ZFHX3: variants seen among roughly 807,000 people sequenced by gnomAD.
The protein encoded by ZFHX3 is zinc finger homeobox 3.
In ZFHX3, 42 loss-of-function variants were observed where a neutral mutation model predicts 279.1. The observed-to-expected ratio is 0.15, with a 90% confidence interval of 0.12 to 0.19. The LOEUF (loss-of-function observed/expected upper bound fraction) is 0.19, where lower values mean the gene tolerates loss of function less well. ZFHX3 is among the 10% of genes least tolerant of loss of function. The pLI is 1.00. For synonymous variants in ZFHX3, 2,293 were observed against 1,957.8 expected, an observed-to-expected ratio of 1.17 and a Z score of -4.52; for missense variants, 4,981 against 4,754.0, an observed-to-expected ratio of 1.05 and a Z score of -1.40.
chr16:73,158,024 G>C (rs927094544), intron 5 of ZFHX3, among the ~76,000 whole-genome samples: 3 of 152,074 alleles, frequency 2.0e-5, no homozygotes, highest in Non-Finnish European at 2.9e-5. Context: ...AAAAAAATGA[G>C]ACAGGAAAGG....
intron 5 of ZFHX3, among the ~76,000 whole-genome samples, chr16:73,173,309 G>T: frequency 6.6e-6 from 1 of 152,096 alleles, no homozygotes; most frequent in East Asian, 1.9e-4. Flanking sequence ...GAGATCTTCC[G>T]TGGGCGACGG....
chr16:73,202,463 T>A (rs190531114), intron 5 of ZFHX3, among the ~76,000 whole-genome samples: 123 of 152,336 alleles, frequency 8.1e-4, no homozygotes, highest in Middle Eastern at 6.8e-3. Context: ...AGCCCAGCCA[T>A]ATGGCCAGTT....
At chr16:73,872,750 G>GT (rs2142402200) in intron 1 of ZFHX3, among the ~76,000 whole-genome samples, 1 of 94,372 alleles carries the variant, frequency 1.1e-5, no homozygotes, top group Non-Finnish European at 2.0e-5. Context: ...GTGGTGGCGG[G>GT]GGTTGGTGGT....
At chr16:73,069,827 G>A (rs1965800876) in intron 8 of ZFHX3, among the ~76,000 whole-genome samples, 1 of 152,152 alleles carries the variant, frequency 6.6e-6, no homozygotes, top group Non-Finnish European at 1.5e-5. Flanking sequence ...GGTCATAATG[G>A]TATATCCTGT....
In ZFHX3 at chr16:72,829,791, G is replaced by T; in HGVS notation, c.3517C>A (p.Gln1173Lys). The T allele has an allele frequency of 6.2e-7, 1 of 1,614,148 alleles. No homozygotes were observed. Among genetic ancestry groups the T allele is most frequent in the Non-Finnish European group, 8.5e-7 (1 of 1,180,032 alleles). ...TGGTCTTTCTCACCTCCGCCCTCTT[G>T]GTCCTTAGCAAGCTCCTCTGGATCA... is the stretch of plus-strand genomic sequence containing the variant. ...AADPEELAKD[Q>K]EGGASSSQAE... Residue 1173 changes from glutamine (Q) to lysine (K), a missense_variant, in exon 5 of 10, where the codon CAA (glutamine) becomes AAA (lysine). Physicochemically the swap from Gln to Lys is moderately conservative, Grantham distance 53. Around this residue, in one of 7 missense-constraint regions of ZFHX3, gnomAD observed 1,751 missense variants for 1,770.0 expected, o/e 0.99. Coordinates refer to ENST00000268489, the MANE Select transcript of ZFHX3 (RefSeq NM_006885.4).
Position 72,959,829 on chromosome 16 carries a change from G to A in ZFHX3, c.317C>T (p.Pro106Leu). The A allele has an allele frequency of 1.3e-6, 2 of 1,594,412 alleles. No homozygotes were observed. Among genetic ancestry groups the A allele is most frequent in the African/African-American group, 1.3e-5 (1 of 74,732 alleles). The stretch of plus-strand genomic sequence containing the variant: ...GCTGGCGCTCTCCTCTCTCAGGGGT[G>A]GCGGGGGGCGCGCGCTGGGGCAGTG... The part of the protein sequence containing the change: ...EHHCPSARPP[P>L]PLREESASDT... Residue 106 changes from proline to leucine, a missense_variant, in exon 2 of 10, where the codon CCA becomes CTA. This residue lies in a region of ZFHX3 where 1,068 missense variants were observed against 935.2 expected (regional missense o/e 1.14). Coordinates refer to ENST00000268489, the MANE Select transcript of ZFHX3 (RefSeq NM_006885.4).
chr16:72,828,878 A>T (rs1434910918), intron 5 of ZFHX3, among the ~76,000 whole-genome samples: 1 of 151,340 alleles, frequency 6.6e-6, no homozygotes, highest in South Asian at 2.1e-4. Context: ...TTTTGTAGAG[A>T]CAGTGTCTCA....
chr16:73,682,915 AGAG>A (rs879362452), intron 1 of ZFHX3, among the ~76,000 whole-genome samples: 2,255 of 25,758 alleles, frequency 0.088, 50 homozygotes, highest in African/African-American at 0.099. Context: ...AGAGAAAGAA[AGAG>A]AGAAAGAGAA....
At chr16:73,295,009 C>G (rs184264955) in intron 4 of ZFHX3, among the ~76,000 whole-genome samples, 1 of 151,902 alleles carries the variant, frequency 6.6e-6, no homozygotes, top group East Asian at 1.9e-4. Context: ...GTCAGGAGAT[C>G]GAGACCATCC....
chr16:72,959,415 T>C lies in ZFHX3; in HGVS notation c.731A>G (p.Tyr244Cys), dbSNP rs1209639810. Reference sequence around the variant, plus strand: ...TTTGGCAGAACCGTCGCTGTTCAGGTAATCCTTGTTGCTTTTGTGTCGCAC... The same window carrying C: ...TTTGGCAGAACCGTCGCTGTTCAGGCAATCCTTGTTGCTTTTGTGTCGCAC... ...FDVRHKSNKD[Y>C]LNSDGSAKSS... is the part of the protein sequence containing the mutation. The change falls in exon 2 of 10, where the codon TAC becomes TGC. Residue 244 changes from tyrosine to cysteine, a missense_variant. Physicochemically the swap from Tyr to Cys is radical, Grantham distance 194. Around this residue, in one of 7 missense-constraint regions of ZFHX3, gnomAD observed 1,068 missense variants for 935.2 expected, o/e 1.14. Transcript: ENST00000268489. 1 of 1,614,238 alleles carries C rather than the reference T, an allele frequency of 6.2e-7. No individual in the cohort carries two copies. Among genetic ancestry groups the C allele is most frequent in the South Asian group, 1.1e-5 (1 of 91,086 alleles).
At chr16:73,425,905 C>A (rs1247066201) in intron 3 of ZFHX3, among the ~76,000 whole-genome samples, 1 of 150,966 alleles carries the variant, frequency 6.6e-6, no homozygotes, top group East Asian at 1.9e-4. Flanking sequence ...AAATGAGAAA[C>A]CCGTGAAAGA....
chr16:72,869,859 C>T (rs1461103651), intron 4 of ZFHX3, among the ~76,000 whole-genome samples: 2 of 152,168 alleles, frequency 1.3e-5, no homozygotes, highest in Admixed American at 1.3e-4. Context: ...CCAGAAGGAA[C>T]CACCATAACT....
intron 1 of ZFHX3, among the ~76,000 whole-genome samples, chr16:73,057,381 A>C (rs1476766077): frequency 6.6e-6 from 1 of 152,214 alleles, no homozygotes; most frequent in Admixed American, 6.5e-5. Context: ...ACACTGCATG[A>C]AATACACTTA....
intron 2 of ZFHX3, among the ~76,000 whole-genome samples, chr16:73,544,722 T>C (rs2020080355): frequency 2.0e-5 from 3 of 152,008 alleles, no homozygotes. Context: ...GACGGGGTTT[T>C]CGGGTTGCAG....
chr16:73,426,677 C>T (rs527249254), intron 3 of ZFHX3, among the ~76,000 whole-genome samples: 29 of 152,158 alleles, frequency 1.9e-4, no homozygotes, highest in South Asian at 1.0e-3. Context: ...AAAAATATGA[C>T]GGCTGCATGA....
intron 3 of ZFHX3, among the ~76,000 whole-genome samples, chr16:73,320,410 A>G (rs2015552461): frequency 6.6e-6 from 1 of 152,218 alleles, no homozygotes; most frequent in Non-Finnish European, 1.5e-5. Context: ...GAGGGTGGCA[A>G]ATTACACGGC....
At chr16:73,356,315 G>C (rs1271851740) in intron 3 of ZFHX3, among the ~76,000 whole-genome samples, 3 of 150,562 alleles carry the variant, frequency 2.0e-5, no homozygotes, top group Non-Finnish European at 4.5e-5. Flanking sequence ...ACCCTCATTT[G>C]TTCTTCCTGC....
rs138781533 is a variant in ZFHX3, at chr16:73,248,202, G to A, written c.-1104+8845C>T. ...TGCGTACTGTGTATATAATGTGTCT[G>A]TGTGTATATATGTGTGTGTGTATAC... On this transcript the variant is annotated intron_variant, in intron 5 of 17. Coordinates refer to the ZFHX3 transcript ENST00000641206. Among the ~76,000 whole-genome samples the A allele has an allele frequency of 1.4e-4, 21 of 151,312 alleles. No individual in the cohort carries two copies. In the East Asian group the frequency reaches 3.9e-3, roughly 28 times the overall value.
rs975990951 is a variant in ZFHX3 at position 73,262,324 on chromosome 16, T to G, written c.-1193-5188A>C. ...GTAGATAGATTGTTTTAATGCATTT[T>G]GTGATCCCATACTTCACATAAGAAT... On this transcript the variant is annotated intron_variant, in intron 4 of 17. Transcript: ENST00000641206. Among the ~76,000 whole-genome samples the G allele has an allele frequency of 3.9e-5, 6 of 152,212 alleles. No individual in the cohort carries two copies. The East Asian group carries it at 9.6e-4, about 24-fold the overall frequency.
Sources: gnomAD v4.1 joint callset for allele counts (sites outside exome capture counted in the v4.1 genomes callset) on GRCh38, gnomAD v4.1.1 for gene constraint, gnomAD v4.1.1 regional missense constraint, MANE v1.5 for transcripts, NCBI Gene and HGNC (gene_info 2026-07-23, HGNC 2026-07-21) for gene names.